The following ZNF438 variants were observed in gnomAD, a reference collection of about 807,000 sequenced individuals.
ZNF438 encodes the protein zinc finger protein 438.
A neutral mutation model predicts 38.0 loss-of-function variants in ZNF438; 25 were observed. That is an observed-to-expected ratio of 0.66 (90% CI 0.48 to 0.92). The LOEUF is 0.92. Ranked by LOEUF, ZNF438 falls within the 40% of genes least tolerant of loss-of-function variation. The probability of loss-of-function intolerance (pLI) is 0.00; values close to 1 mark genes in which losing one functional copy is unlikely to be tolerated. For synonymous variants in ZNF438, 372 were observed against 364.1 expected (o/e 1.02, Z -0.25); for missense variants, 1,007 against 999.6 (o/e 1.01, Z -0.10).
At chr10:31,031,845 G>C (rs891050944) in exon 1 of ZNF438, 8 of 152,650 alleles carry the variant, frequency 5.2e-5, no homozygotes, top group African/African-American at 1.9e-4. Context: ...TTTTCCTACA[G>C]CGTGCGCGTC....
At chr10:30,982,003 GAAT>G (rs1160614645) in intron 1 of ZNF438, among the ~76,000 whole-genome samples, 11 of 151,694 alleles carry the variant, frequency 7.3e-5, no homozygotes, top group Admixed American at 3.9e-4. Flanking sequence ...TTCTAGCACA[GAAT>G]AATAAGTTTT....
intron 1 of ZNF438, among the ~76,000 whole-genome samples, chr10:31,028,350 T>C (rs758462808): frequency 1.3e-5 from 2 of 152,194 alleles, no homozygotes; most frequent in African/African-American, 4.8e-5. Context: ...ACTGAGGTAA[T>C]AGAACTGGAA....
chr10:30,887,715 T>G (rs1274147649), intron 3 of ZNF438, among the ~76,000 whole-genome samples: 1 of 152,172 alleles, frequency 6.6e-6, no homozygotes, highest in East Asian at 1.9e-4. Flanking sequence ...GGCAGTTGTC[T>G]CCTGTCACTT....
At chr10:30,919,332 C>T (rs567373832) in intron 2 of ZNF438, 1 of 152,120 alleles carries the variant, frequency 6.6e-6, no homozygotes, top group Non-Finnish European at 1.5e-5. Context: ...TTTGCTTCCC[C>T]TTTGAAGTAT....
At chr10:30,944,795 G>T (rs146250510) in intron 1 of ZNF438, among the ~76,000 whole-genome samples, 5 of 152,162 alleles carry the variant, frequency 3.3e-5, no homozygotes, top group African/African-American at 1.2e-4. Context: ...AGGAGAAACG[G>T]TTGTTTCAAG....
At chr10:30,929,323 G>T (rs1042579179) in intron 2 of ZNF438, among the ~76,000 whole-genome samples, 1 of 152,100 alleles carries the variant, frequency 6.6e-6, no homozygotes, top group African/African-American at 2.4e-5. Flanking sequence ...AGATGTGTTC[G>T]GACTTCCTTC....
chr10:30,990,061 T>C (rs1001842092), intron 1 of ZNF438, among the ~76,000 whole-genome samples: 2 of 152,288 alleles, frequency 1.3e-5, no homozygotes, highest in South Asian at 4.1e-4. Flanking sequence ...GCTTCAGTGA[T>C]GGTAATACTT....
chr10:30,950,210 G>C (rs1217061048), intron 1 of ZNF438, among the ~76,000 whole-genome samples: 14 of 151,694 alleles, frequency 9.2e-5, no homozygotes, highest in African/African-American at 3.4e-4. Context: ...CGAGAACAAA[G>C]ACACAACATA....
At chr10:30,980,689 C>CA (rs1011147924) in intron 1 of ZNF438, among the ~76,000 whole-genome samples, 3 of 152,114 alleles carry the variant, frequency 2.0e-5, no homozygotes, top group African/African-American at 7.2e-5. Flanking sequence ...TTTGGGAGAA[C>CA]AGATGGCATT....
chr10:30,894,802 G>A (rs1233206991), intron 3 of ZNF438, among the ~76,000 whole-genome samples: 1 of 152,156 alleles, frequency 6.6e-6, no homozygotes. Context: ...CACTCTTGCA[G>A]TTAGAAAAGA....
intron 1 of ZNF438, among the ~76,000 whole-genome samples, chr10:30,979,800 T>C (rs2051894704): frequency 6.6e-6 from 1 of 152,214 alleles, no homozygotes; most frequent in African/African-American, 2.4e-5. Context: ...GAGAAATCTC[T>C]CTCTGTAACT....
chr10:31,007,901 T>C lies in ZNF438; in HGVS notation c.-192+23932A>G, dbSNP rs537654789. Among the ~76,000 whole-genome samples, 13 of 152,310 alleles carry C rather than the reference T, an allele frequency of 8.5e-5. No individual in the cohort carries two copies. The East Asian group carries it at 1.5e-3, about 18-fold the overall frequency. On this transcript the variant is annotated intron_variant, in intron 1 of 5. Transcript: ENST00000413025. ...GTCTCTGTAGGACTCAGCTCTCTCA[T>C]AAAGCAAAATGAGGGGGGACTAGAT... is the stretch of plus-strand genomic sequence containing the variant.
intron 2 of ZNF438, among the ~76,000 whole-genome samples, chr10:30,931,445 T>G (rs184405828): frequency 1.3e-5 from 2 of 152,248 alleles, no homozygotes; most frequent in Non-Finnish European, 2.9e-5. Flanking sequence ...GAACACATCA[T>G]TGAATCTAAA....
chr10:30,852,215 C>CTT (rs111847519), intron 4 of ZNF438, among the ~76,000 whole-genome samples: 1 of 145,552 alleles, frequency 6.9e-6, no homozygotes, highest in South Asian at 2.2e-4. Flanking sequence ...TTTCTTTTTT[C>CTT]TTTTTTTTTT....
At chr10:30,957,728 C>T (rs981680084) in intron 1 of ZNF438, among the ~76,000 whole-genome samples, 2 of 151,996 alleles carry the variant, frequency 1.3e-5, no homozygotes, top group African/African-American at 4.8e-5. Flanking sequence ...TATGTGTGTA[C>T]CATGCTGTTT....
chr10:31,002,447 A>G (rs2054751510), intron 1 of ZNF438, among the ~76,000 whole-genome samples: 1 of 152,130 alleles, frequency 6.6e-6, no homozygotes, highest in Non-Finnish European at 1.5e-5. Context: ...TATATGTTCA[A>G]AACTATTAGA....
At chr10:30,928,870 A>AAC (rs1210374149) in intron 2 of ZNF438, among the ~76,000 whole-genome samples, 4 of 152,102 alleles carry the variant, frequency 2.6e-5, no homozygotes, top group Non-Finnish European at 5.9e-5. Flanking sequence ...CTTTCAGCTG[A>AAC]ACATCTGTTT....
intron 4 of ZNF438, among the ~76,000 whole-genome samples, chr10:30,860,809 A>G (rs766680206): frequency 2.0e-5 from 3 of 152,198 alleles, no homozygotes; most frequent in Non-Finnish European, 4.4e-5. Flanking sequence ...GTAAGTAGTG[A>G]GGCCAACTGT....
intron 4 of ZNF438, among the ~76,000 whole-genome samples, chr10:30,868,317 C>T (rs1243718926): frequency 2.0e-5 from 3 of 151,944 alleles, no homozygotes; most frequent in African/African-American, 7.3e-5. Flanking sequence ...GTGATCCGCC[C>T]GCCTCAGCCT....
Sources: gnomAD v4.1 joint callset for allele counts (sites outside exome capture counted in the v4.1 genomes callset) on GRCh38, gnomAD v4.1.1 for gene constraint, MANE v1.5 for transcripts, NCBI Gene and HGNC (gene_info 2026-07-23, HGNC 2026-07-21) for gene names.